The following SOBP variants were observed in gnomAD, a reference collection of about 807,000 sequenced individuals.
SOBP encodes the protein sine oculis binding protein homolog.
In SOBP, 4 loss-of-function variants were observed where a neutral mutation model predicts 53.6. That is an observed-to-expected ratio of 0.07 (90% CI 0.04 to 0.17). The LOEUF is 0.17. SOBP is among the 10% of genes least tolerant of loss of function. The pLI, the probability that SOBP is intolerant of heterozygous loss-of-function variation, is 1.00. For synonymous variants in SOBP, 584 were observed against 522.6 expected, an observed-to-expected ratio of 1.12 and a Z score of -1.60; for missense variants, 1,088 against 1,204.7, an observed-to-expected ratio of 0.90 and a Z score of 1.43.
rs1248458178 is a variant in SOBP, at chr6:107,634,229, C to T, written c.1385C>T (p.Pro462Leu). 1.6e-5 allele frequency: 25 copies of T among 1,587,192 alleles called. No individual in the cohort carries two copies. The highest frequency in any genetic ancestry group is 2.2e-5 in the South Asian group (2 of 90,032). Reference sequence around the variant, plus strand: ...CCCATGCTATCGCCCCACATCCACCCCCCGAGCACCCCCACCATGCCCGGG... The same window carrying T: ...CCCATGCTATCGCCCCACATCCACCTCCCGAGCACCCCCACCATGCCCGGG... ...HRPMLSPHIH[P>L]PSTPTMPGNP... Residue 462 changes from proline (P) to leucine (L), a missense_variant, in exon 6 of 7, where the codon CCC (proline) becomes CTC (leucine). Coordinates refer to ENST00000317357, the MANE Select transcript of SOBP (RefSeq NM_018013.4). The surrounding 1 kb of genome is among the most constrained non-coding windows in gnomAD (Gnocchi z 4.5).
chr6:107,558,312 A>G (rs1784674838), intron 4 of SOBP: 1 of 147,918 alleles, frequency 6.8e-6, no homozygotes, highest in African/African-American at 2.5e-5. Context: ...TCTGTCACCC[A>G]GGCTGGAGTG....
At position 107,659,513 on chromosome 6, in the gene SOBP, A is replaced by G. The variant is rs921759088; in HGVS notation, c.*1310A>G. ...AAGAAGAGAAAAAATTAAGAAAAAAATCAAAAAAGGAAGAAAACTAAAAAA... is the reference window on the plus strand; with the variant it reads ...AAGAAGAGAAAAAATTAAGAAAAAAGTCAAAAAAGGAAGAAAACTAAAAAA... On this transcript the variant is annotated 3_prime_UTR_variant, in exon 7 of 7. Transcript: ENST00000317357. 5.7e-5 allele frequency: 8 copies of G among 141,032 alleles called. No homozygotes were observed. Among genetic ancestry groups the G allele is most frequent in the Non-Finnish European group, 1.2e-4 (8 of 64,280 alleles). 8.7% of individuals were successfully genotyped at this position (141,032 alleles called of 1,614,324 possible). A position where few individuals can be genotyped will look rare whatever the true frequency, so the allele number is the denominator to read the frequency against.
chr6:107,619,008 T>G (rs1786905604), intron 5 of SOBP, among the ~76,000 whole-genome samples: 2 of 152,090 alleles, frequency 1.3e-5, no homozygotes, highest in African/African-American at 4.8e-5. Flanking sequence ...GCACTGAGGC[T>G]GAGAAAAGTG....
At chr6:107,616,088 G>T (rs1290816351) in intron 5 of SOBP, among the ~76,000 whole-genome samples, 1 of 129,172 alleles carries the variant, frequency 7.7e-6, no homozygotes, top group African/African-American at 2.9e-5. Context: ...GGGGGGTGGG[G>T]GGGGGGCGGG....
chr6:107,500,258 T>G (rs1017438035), intron 1 of SOBP, among the ~76,000 whole-genome samples: 3 of 151,898 alleles, frequency 2.0e-5, no homozygotes, highest in Admixed American at 6.5e-5. Flanking sequence ...GCATGGTGGC[T>G]TGCGCCTGTA....
chr6:107,656,329 AAGAAAGAAAGAAAGAG>A (rs1772051573), intron 6 of SOBP, among the ~76,000 whole-genome samples: 1 of 6,664 alleles, frequency 1.5e-4, no homozygotes, highest in African/African-American at 2.6e-4. Flanking sequence ...GAAAGAAAGA[AAGAAAGAAAGAAAGAG>A]AAAGAAAGAA....
chr6:107,577,318 C>A (rs904578777), intron 4 of SOBP, among the ~76,000 whole-genome samples: 7 of 152,254 alleles, frequency 4.6e-5, no homozygotes, highest in Non-Finnish European at 7.3e-5. Context: ...ACTTCTGTCT[C>A]TATTATTCCT....
At chr6:107,598,583 C>A (rs1786035788) in intron 5 of SOBP, among the ~76,000 whole-genome samples, 1 of 152,116 alleles carries the variant, frequency 6.6e-6, no homozygotes, top group Non-Finnish European at 1.5e-5. Context: ...AGCCAAACAG[C>A]TAATTTTACA....
chr6:107,513,625 T>C (rs1783233501), intron 3 of SOBP, among the ~76,000 whole-genome samples: 1 of 152,010 alleles, frequency 6.6e-6, no homozygotes, highest in South Asian at 2.1e-4. Context: ...CTTTGGACTT[T>C]ATTTATTTGT....
In SOBP at chr6:107,635,163, G is replaced by A. The variant is rs780784231; in HGVS notation, c.2319G>A (p.Glu773=). 6.2e-7 allele frequency: 1 copy of A among 1,613,688 alleles called. No homozygotes were observed. The highest frequency in any genetic ancestry group is 2.2e-5 in the East Asian group (1 of 44,828). Residue 773 remains glutamate, a synonymous_variant, in exon 6 of 7, where the codon GAG becomes GAA. Transcript: ENST00000317357. The surrounding 1 kb of genome is among the most constrained non-coding windows in gnomAD (Gnocchi z 4.5). ...PAVSELESVK[E]NNCASNCHLD... ...TGAGCGAGCTAGAGTCGGTCAAGGA[G>A]AATAACTGTGCTTCCAACTGCCACC...
chr6:107,616,421 G>A (rs1479535917), intron 5 of SOBP, among the ~76,000 whole-genome samples: 1 of 152,162 alleles, frequency 6.6e-6, no homozygotes, highest in Non-Finnish European at 1.5e-5. Flanking sequence ...TAAAACAATA[G>A]AACAAGATAC....
At chr6:107,518,444 A>G (rs1783384451) in intron 3 of SOBP, among the ~76,000 whole-genome samples, 1 of 152,218 alleles carries the variant, frequency 6.6e-6, no homozygotes, top group Non-Finnish European at 1.5e-5. Context: ...ATATCTATTA[A>G]TGCTGAACAT....
In SOBP at chr6:107,518,281, T is replaced by G. The variant is rs559712453; in HGVS notation, c.421+11854T>G. Among the ~76,000 whole-genome samples the G allele has an allele frequency of 2.0e-5, 3 of 152,242 alleles. No individual in the cohort carries two copies. The South Asian group carries it at 6.2e-4, about 32-fold the overall frequency. On this transcript the variant is annotated intron_variant, in intron 3 of 6. Coordinates refer to ENST00000317357, the MANE Select transcript of SOBP (RefSeq NM_018013.4). Reference sequence around the variant, plus strand: ...CTCATTAGGGACATCAGATTTAAAATCATAGTGAGAGACCGGTAAACACAC... The same window carrying G: ...CTCATTAGGGACATCAGATTTAAAAGCATAGTGAGAGACCGGTAAACACAC...
At chr6:107,542,141 A>G (rs534794515) in intron 4 of SOBP, among the ~76,000 whole-genome samples, 5 of 152,280 alleles carry the variant, frequency 3.3e-5, no homozygotes, top group African/African-American at 1.2e-4. Context: ...TTCAGGTAGG[A>G]AAAAGTGCTA....
intron 3 of SOBP, among the ~76,000 whole-genome samples, chr6:107,516,581 C>T (rs1279888391): frequency 2.0e-5 from 3 of 151,968 alleles, no homozygotes; most frequent in Non-Finnish European, 4.4e-5. Context: ...GTAAGAAACT[C>T]AAGATTTGTA....
chr6:107,598,983 T>C (rs1396984456), intron 5 of SOBP, among the ~76,000 whole-genome samples: 1 of 152,126 alleles, frequency 6.6e-6, no homozygotes, highest in Non-Finnish European at 1.5e-5. Flanking sequence ...TGATCCAGAG[T>C]GATTCAGGGA....
In SOBP at chr6:107,634,248, G is replaced by T. The variant is rs1022077270; in HGVS notation, c.1404G>T (p.Met468Ile). ...PHIHPPSTPT[M>I]PGNPPGLLPP... ...TCCACCCCCCGAGCACCCCCACCAT[G>T]CCCGGGAACCCCCCAGGCCTGCTGC... Residue 468 changes from methionine to isoleucine, a missense_variant, in exon 6 of 7, where the codon ATG becomes ATT. Physicochemically the swap from Met to Ile is conservative, Grantham distance 10. Coordinates refer to ENST00000317357, the MANE Select transcript of SOBP (RefSeq NM_018013.4). The surrounding 1 kb of genome is among the most constrained non-coding windows in gnomAD (Gnocchi z 4.5). 6.4e-7 allele frequency: 1 copy of T among 1,557,300 alleles called. No homozygotes were observed.
chr6:107,497,108 G>A (rs1782721616), intron 1 of SOBP, among the ~76,000 whole-genome samples: 1 of 152,200 alleles, frequency 6.6e-6, no homozygotes, highest in South Asian at 2.1e-4. Context: ...AATGATGCCT[G>A]ATAGATATCT....
chr6:107,525,481 A>G (rs1783635450), intron 3 of SOBP, among the ~76,000 whole-genome samples: 1 of 152,200 alleles, frequency 6.6e-6, no homozygotes, highest in South Asian at 2.1e-4. Context: ...AGGAAGGGAC[A>G]TTGACTGTAA....
Sources: allele counts gnomAD v4.1 joint callset (sites outside exome capture counted in the v4.1 genomes callset), GRCh38; gene constraint gnomAD v4.1.1; non-coding constraint Gnocchi (gnomAD v3.1); transcripts MANE v1.5; gene names NCBI Gene and HGNC (gene_info 2026-07-23, HGNC 2026-07-21).